DSCAM: variants seen among roughly 807,000 people sequenced by gnomAD.
The protein encoded by DSCAM is DS cell adhesion molecule, also known as cell adhesion molecule DSCAM.
Under a neutral mutation model 217.7 loss-of-function variants are expected in DSCAM, and 47 were observed. The observed-to-expected ratio is 0.22, with a 90% CI of 0.17 to 0.28. The LOEUF (loss-of-function observed/expected upper bound fraction) is 0.28, where lower values mean the gene tolerates loss of function less well. DSCAM is among the 10% of genes least tolerant of loss of function. The pLI is 1.00. For missense variants in DSCAM, 2,080 were observed against 2,618.3 expected (o/e 0.79, Z 4.49); for synonymous variants, 1,056 against 1,015.3 (o/e 1.04, Z -0.76).
chr21:40,799,961 A>C (rs1233818860), intron 1 of DSCAM, among the ~76,000 whole-genome samples: 1 of 152,238 alleles, frequency 6.6e-6, no homozygotes, highest in East Asian at 1.9e-4. Context: ...CAATGTGGCA[A>C]TATTGAAATG....
intron 32 of DSCAM, among the ~76,000 whole-genome samples, chr21:40,039,148 C>T (rs189461897): frequency 2.6e-3 from 390 of 150,890 alleles, no homozygotes; most frequent in Non-Finnish European, 2.9e-3. Flanking sequence ...GCACATGTAC[C>T]CTGAAACTTA....
intron 3 of DSCAM, among the ~76,000 whole-genome samples, chr21:40,503,588 C>T (rs150214266): frequency 2.8e-4 from 42 of 152,322 alleles, no homozygotes; most frequent in African/African-American, 9.9e-4. Context: ...TCACGCTGCA[C>T]ATCCGCTGAT....
At chr21:40,399,578 C>T (rs745466106) in intron 3 of DSCAM, among the ~76,000 whole-genome samples, 3 of 152,170 alleles carry the variant, frequency 2.0e-5, no homozygotes, top group African/African-American at 7.2e-5. Context: ...GAATTCTAAA[C>T]GTATCTTCTC....
chr21:40,313,015 G>A (rs2074156630), intron 8 of DSCAM, among the ~76,000 whole-genome samples: 2 of 151,718 alleles, frequency 1.3e-5, no homozygotes, highest in South Asian at 2.1e-4. Flanking sequence ...TACTGAGGAG[G>A]CCAAGGCGGG....
chr21:40,633,485 A>T (rs2089718715), intron 3 of DSCAM, among the ~76,000 whole-genome samples: 1 of 152,194 alleles, frequency 6.6e-6, no homozygotes, highest in Middle Eastern at 3.2e-3. Flanking sequence ...AATCAAATAA[A>T]CTATTAGTAA....
In DSCAM at chr21:40,818,835, A is replaced by C. The variant is rs192579597; in HGVS notation, c.43+27784T>G. 8.8e-4 allele frequency among the ~76,000 whole-genome samples: 134 copies of C among 152,340 alleles called. 1 individual carries two copies. The highest frequency in any genetic ancestry group is 2.9e-3 in the African/African-American group (122 of 41,574). On this transcript the variant is annotated intron_variant, in intron 1 of 32. Transcript: ENST00000400454. ...ATGTCTAAAACACAGCTGAACCAAA[A>C]AAGGAAAGAGATGGTCTTTGGAATG... is the stretch of plus-strand genomic sequence containing the variant.
At chr21:40,533,256 G>C (rs1004548521) in intron 3 of DSCAM, among the ~76,000 whole-genome samples, 19 of 152,158 alleles carry the variant, frequency 1.2e-4, no homozygotes, top group African/African-American at 4.1e-4. Flanking sequence ...AGGCATGTGT[G>C]AATGCATGTA....
intron 2 of DSCAM, among the ~76,000 whole-genome samples, chr21:40,700,584 A>C (rs1214144935): frequency 1.3e-5 from 2 of 152,126 alleles, no homozygotes; most frequent in Admixed American, 6.5e-5. Flanking sequence ...TAGAATTTTT[A>C]CATGTATAGT....
At chr21:40,436,259 AAT>A (rs1457045388) in intron 3 of DSCAM, among the ~76,000 whole-genome samples, 2 of 152,240 alleles carry the variant, frequency 1.3e-5, no homozygotes, top group Non-Finnish European at 2.9e-5. Context: ...TTCATCTAAA[AAT>A]AGTTTTATAA....
chr21:40,076,636 A>G (rs2089369914), intron 26 of DSCAM, among the ~76,000 whole-genome samples: 1 of 152,244 alleles, frequency 6.6e-6, no homozygotes, highest in Non-Finnish European at 1.5e-5. Context: ...TGAGAAAATT[A>G]TATCTTTTCT....
intron 15 of DSCAM, among the ~76,000 whole-genome samples, chr21:40,168,234 G>T (rs1337873233): frequency 6.6e-6 from 1 of 152,066 alleles, no homozygotes; most frequent in Admixed American, 6.5e-5. Context: ...AATTACAGGG[G>T]GCCAATGAGA....
intron 1 of DSCAM, among the ~76,000 whole-genome samples, chr21:40,808,323 CA>C (rs993561203): frequency 6.6e-6 from 1 of 151,638 alleles, no homozygotes; most frequent in Non-Finnish European, 1.5e-5. Context: ...CCAAAGTTCA[CA>C]AAAAAATGAA....
intron 3 of DSCAM, among the ~76,000 whole-genome samples, chr21:40,492,469 A>G (rs1003215138): frequency 6.6e-6 from 1 of 152,128 alleles, no homozygotes; most frequent in African/African-American, 2.4e-5. Flanking sequence ...ACTCTTCAAA[A>G]AATACAGAGA....
chr21:40,540,153 C>T (rs910613005), intron 3 of DSCAM, among the ~76,000 whole-genome samples: 1 of 152,096 alleles, frequency 6.6e-6, no homozygotes, highest in East Asian at 1.9e-4. Flanking sequence ...TGGGCCGTTC[C>T]TCCTACATTT....
At position 40,581,343 on chromosome 21, in the gene DSCAM, CACCTAGG is replaced by C. The variant is rs546871375; in HGVS notation, c.508+111460_508+111466del. On this transcript the variant is annotated intron_variant, in intron 3 of 32. Transcript: ENST00000400454. ...TGTCAATCTCTGAGCCAGAAGTGTT[CACCTAGG>C]ACCTTTTATAAATCTTATCTCTGAA... Among the ~76,000 whole-genome samples, 19 of 152,234 alleles carry C rather than the reference CACCTAGG, an allele frequency of 1.2e-4. No homozygotes were observed. In the East Asian group the frequency reaches 3.5e-3, roughly 28 times the overall value.
intron 3 of DSCAM, among the ~76,000 whole-genome samples, chr21:40,371,472 G>A (rs1245083967): frequency 6.6e-6 from 1 of 152,002 alleles, no homozygotes; most frequent in Non-Finnish European, 1.5e-5. Flanking sequence ...TCTTAGCGTG[G>A]AGTATTTTCA....
chr21:40,631,260 T>G (rs2089687945), intron 3 of DSCAM, among the ~76,000 whole-genome samples: 1 of 152,136 alleles, frequency 6.6e-6, no homozygotes, highest in Non-Finnish European at 1.5e-5. Context: ...TCATTTGTCT[T>G]CTTGTTCCTT....
At position 40,353,614 on chromosome 21, in the gene DSCAM, T is replaced by C. The variant is rs1250680221; in HGVS notation, c.785A>G (p.Asn262Ser). The change falls in exon 5 of 33, where the codon AAC (asparagine) becomes AGC (serine). Residue 262 changes from asparagine (N) to serine (S), a missense_variant. By Grantham distance (46) the Asn-to-Ser change is conservative (BLOSUM62 1). Transcript: ENST00000400454. ...CCTCCCTGAAAGTTCCAGGGGCATGTTGTCCTTCAGCCAGCGGTAATCTGG... is the reference window on the plus strand; with the variant it reads ...CCTCCCTGAAAGTTCCAGGGGCATGCTGTCCTTCAGCCAGCGGTAATCTGG... ...PEPDYRWLKD[N>S]MPLELSGRFQ... The C allele has an allele frequency of 1.9e-6, 3 of 1,611,878 alleles. No homozygotes were observed. The highest frequency in any genetic ancestry group is 1.7e-6 in the Non-Finnish European group (2 of 1,179,510).
At chr21:40,348,259 C>G (rs2074584529) in intron 5 of DSCAM, among the ~76,000 whole-genome samples, 10 of 150,988 alleles carry the variant, frequency 6.6e-5, no homozygotes, top group African/African-American at 7.3e-5. Flanking sequence ...CATACGGTTC[C>G]TATCAGCCAC....
Sources: gnomAD v4.1 joint callset for allele counts (sites outside exome capture counted in the v4.1 genomes callset) on GRCh38, gnomAD v4.1.1 for gene constraint, MANE v1.5 for transcripts, NCBI Gene and HGNC (gene_info 2026-07-23, HGNC 2026-07-21) for gene names.